ITGA7: variants seen among roughly 807,000 people sequenced by gnomAD.
The protein encoded by ITGA7 is integrin subunit alpha 7, also known as integrin alpha-7.
A neutral mutation model predicts 131.6 loss-of-function variants in ITGA7; 84 were observed. That is an observed-to-expected ratio of 0.64 (90% CI 0.54 to 0.77). ITGA7 has a LOEUF of 0.77. ITGA7 is among the 30% of genes least tolerant of loss of function. The pLI is 0.00. For missense variants in ITGA7, 1,399 were observed against 1,482.9 expected, an observed-to-expected ratio of 0.94 and a Z score of 0.93; for synonymous variants, 548 against 600.7, an observed-to-expected ratio of 0.91 and a Z score of 1.28.
At chr12:55,691,555 T>A (rs1325608006) in intron 21 of ITGA7, among the ~76,000 whole-genome samples, 1 of 152,238 alleles carries the variant, frequency 6.6e-6, no homozygotes, top group African/African-American at 2.4e-5. Flanking sequence ...CCACAGTATA[T>A]ACATATTTCA....
chr12:55,703,042 G>A lies in ITGA7; in HGVS notation c.334+9C>T. ...ACGCTTCCCCCACTCTGTTCATGCA[G>A]GGCCACACCTCCCTGGTCGATGTCC... On this transcript the variant is annotated intron_variant, in intron 2 of 24. Coordinates refer to ENST00000257879, the MANE Select transcript of ITGA7 (RefSeq NM_002206.3). 1 of 1,614,072 alleles carries A rather than the reference G, an allele frequency of 6.2e-7. No individual in the cohort carries two copies. Among genetic ancestry groups the A allele is most frequent in the African/African-American group, 1.3e-5 (1 of 75,062 alleles).
chr12:55,712,383 T>C, upstream of ITGA7: 1 of 738,866 alleles, frequency 1.4e-6, no homozygotes, highest in Non-Finnish European at 2.4e-6. Flanking sequence ...TCTCCCAGTA[T>C]GTGAAGCCTT....
chr12:55,687,951 G>T lies in ITGA7; in HGVS notation c.3183+20C>A, dbSNP rs1870589189. On this transcript the variant is annotated intron_variant, in intron 24 of 24. Coordinates refer to ENST00000257879, the MANE Select transcript of ITGA7 (RefSeq NM_002206.3). The stretch of plus-strand genomic sequence containing the variant: ...CCAACCAGGAAGTCCACCCCCATCA[G>T]CCCCACCTCCAAGCCTCACCTTCCA... 8 of 1,613,934 alleles carry T rather than the reference G, an allele frequency of 5.0e-6. No homozygotes were observed. The highest frequency in any genetic ancestry group is 4.0e-5 in the African/African-American group (3 of 75,032).
rs143895796 is a variant in ITGA7, at chr12:55,697,925, C to T, written c.1281+13G>A. On this transcript the variant is annotated intron_variant, in intron 8 of 24. Transcript: ENST00000257879. The stretch of plus-strand genomic sequence containing the variant: ...ACCCACACCCATTCCCTCATCCCAG[C>T]GACTCCCCTCACCTGTGAAGGTTTG... The T allele has an allele frequency of 1.3e-3, 2,129 of 1,614,088 alleles. 18 individuals are homozygous for T. In the African/African-American group the frequency reaches 0.021, roughly 16 times the overall value.
rs1260123658 is a variant in ITGA7 at position 55,699,958 on chromosome 12, T to C, written c.702A>G (p.Ser234=). ...GLLFVTNIDS[S]DPDQLVYKTL... Reference sequence around the variant, plus strand: ...TTTTATACACCAGCTGGTCGGGGTCTGAGCTATCAATGTTGGTCACAAAAA... The same window carrying C: ...TTTTATACACCAGCTGGTCGGGGTCCGAGCTATCAATGTTGGTCACAAAAA... The change falls in exon 5 of 25, where the codon TCA becomes TCG. Residue 234 remains serine (S), a synonymous_variant. Transcript: ENST00000257879. 2 of 1,613,986 alleles carry C rather than the reference T, an allele frequency of 1.2e-6. No homozygotes were observed. Among genetic ancestry groups the C allele is most frequent in the Non-Finnish European group, 1.7e-6 (2 of 1,180,020 alleles).
chr12:55,698,638 T>C, intron 6 of ITGA7, 62 bp from the exon 7 acceptor site: 1 of 1,612,026 alleles, frequency 6.2e-7, no homozygotes, highest in Non-Finnish European at 8.5e-7. Context: ...AGCAGGAGGC[T>C]AAGTGGCCTC....
intron 1 of ITGA7, among the ~76,000 whole-genome samples, chr12:55,703,803 C>G (rs1028608591): frequency 1.3e-5 from 2 of 152,154 alleles, no homozygotes; most frequent in Admixed American, 1.3e-4. Flanking sequence ...GAGGTAGGGA[C>G]AAGTTTCTCC....
chr12:55,690,176 G>A (rs1871124447), intron 21 of ITGA7, among the ~76,000 whole-genome samples: 1 of 152,156 alleles, frequency 6.6e-6, no homozygotes, highest in Admixed American at 6.5e-5. Context: ...TCATCGGAGT[G>A]AACAGGCAAC....
chr12:55,697,404 G>A (rs908789927), intron 10 of ITGA7, 47 bp downstream of exon 10: 5 of 1,593,726 alleles, frequency 3.1e-6, no homozygotes, highest in East Asian at 2.2e-5. Flanking sequence ...TCAAAGGGAG[G>A]GCAGGGGAAG....
At chr12:55,708,010 C>T, upstream of ITGA7, 3 of 1,210,796 alleles carry the variant, frequency 2.5e-6, no homozygotes, top group Non-Finnish European at 3.1e-6. Context: ...CAAGGGGATG[C>T]CCAGGCTGGT....
At chr12:55,690,793 T>TA (rs1308706872) in intron 21 of ITGA7, among the ~76,000 whole-genome samples, 2 of 151,612 alleles carry the variant, frequency 1.3e-5, no homozygotes, top group Non-Finnish European at 2.9e-5. Flanking sequence ...TATGCAGCCA[T>TA]AAAAAATGAT....
At position 55,694,159 on chromosome 12, in the gene ITGA7, C is replaced by T. The variant is rs970752823; in HGVS notation, c.2433-36G>A. 2 of 1,611,884 alleles carry T rather than the reference C, an allele frequency of 1.2e-6. No homozygotes were observed. The highest frequency in any genetic ancestry group is 1.7e-6 in the Non-Finnish European group (2 of 1,177,902). ...GAGGTCAGAACAGGGGTGAGAAGGT[C>T]TGGGGCCTGGCTCAATGAAGGCAGG... On this transcript the variant is annotated intron_variant, in intron 18 of 24. Transcript: ENST00000257879. The surrounding 1 kb of genome is among the most constrained non-coding windows in gnomAD (Gnocchi z 5.3).
upstream of ITGA7, among the ~76,000 whole-genome samples, chr12:55,710,587 G>A (rs1876005011): frequency 6.6e-6 from 1 of 151,960 alleles, no homozygotes; most frequent in African/African-American, 2.4e-5. Flanking sequence ...GACCAGCCTG[G>A]GCAACATAGG....
Position 55,707,713 on chromosome 12 carries a change from T to C in ITGA7, c.-31A>G, listed in dbSNP as rs1875540967. ...GATCCCTGCGCGAGCTCCCAGCGAA[T>C]GCAAGGGAAATCTCGCACGCCCCAA... On this transcript the variant is annotated 5_prime_UTR_variant, in exon 1 of 25. Coordinates refer to ENST00000257879, the MANE Select transcript of ITGA7 (RefSeq NM_002206.3). 2 of 1,553,686 alleles carry C rather than the reference T, an allele frequency of 1.3e-6. No individual in the cohort carries two copies. Among genetic ancestry groups the C allele is most frequent in the Non-Finnish European group, 1.7e-6 (2 of 1,148,364 alleles).
At chr12:55,716,025 C>T (rs1192928626), upstream of ITGA7, 1 of 1,533,842 alleles carries the variant, frequency 6.5e-7, no homozygotes, top group East Asian at 2.5e-5. Context: ...CGGTTCCCAA[C>T]CTCACGTGAC....
At position 55,688,222 on chromosome 12, in the gene ITGA7, G is replaced by A; in HGVS notation, c.3037C>T (p.Leu1013Phe). The change falls in exon 23 of 25, where the codon CTC becomes TTC. Residue 1013 changes from leucine to phenylalanine, a missense_variant. Transcript: ENST00000257879. ...CTCACCACTGTGGAGGCATCTCGGA[G>A]CATCAAGTTCTTTATGGAGGACTTC... ...TVKSSIKNLM[L>F]RDASTVIPVM... 6.2e-7 allele frequency: 1 copy of A among 1,614,128 alleles called. No homozygotes were observed. The highest frequency in any genetic ancestry group is 8.5e-7 in the Non-Finnish European group (1 of 1,179,978).
intron 21 of ITGA7, among the ~76,000 whole-genome samples, chr12:55,690,232 G>A (rs1444427055): frequency 6.6e-6 from 1 of 151,968 alleles, no homozygotes; most frequent in Non-Finnish European, 1.5e-5. Flanking sequence ...TCTGACAAAG[G>A]GCTAATATCC....
At position 55,703,309 on chromosome 12, in the gene ITGA7, ATG is replaced by A. The variant is rs1186810196; in HGVS notation, c.207-133_207-132del. ...TTCAAGGACTAAAGAGAAGGGGCAA[ATG>A]TCAGTTTTCTCAAACCCTGGCAAGG... On this transcript the variant is annotated intron_variant, in intron 1 of 24. Coordinates refer to ENST00000257879, the MANE Select transcript of ITGA7 (RefSeq NM_002206.3). 4 of 1,033,310 alleles carry A rather than the reference ATG, an allele frequency of 3.9e-6. No individual in the cohort carries two copies. In the African/African-American group the frequency reaches 6.5e-5, roughly 17 times the overall value. 64.0% of individuals were successfully genotyped at this position (1,033,310 alleles called of 1,614,324 possible). A position where few individuals can be genotyped will look rare whatever the true frequency, so the allele number is the denominator to read the frequency against.
In ITGA7 at chr12:55,703,133, C is replaced by T. The variant is rs1469896295; in HGVS notation, c.252G>A (p.Gln84=). The change falls in exon 2 of 25, where the codon CAG becomes CAA. Residue 84 remains glutamine (Q), a synonymous_variant. Coordinates refer to ENST00000257879, the MANE Select transcript of ITGA7 (RefSeq NM_002206.3). ...CGAAGAGGCCTCCAGTGCGATTCGCCTGCTGCCCAGGAAGAGCCAGGGCCT... is the reference window on the plus strand; with the variant it reads ...CGAAGAGGCCTCCAGTGCGATTCGCTTGCTGCCCAGGAAGAGCCAGGGCCT... ...APQALALPGQ[Q]ANRTGGLFAC... is the part of the protein sequence containing the mutation. The T allele has an allele frequency of 6.2e-7, 1 of 1,613,374 alleles. No homozygotes were observed. The highest frequency in any genetic ancestry group is 8.5e-7 in the Non-Finnish European group (1 of 1,180,016).
Sources: allele counts gnomAD v4.1 joint callset (sites outside exome capture counted in the v4.1 genomes callset), GRCh38; gene constraint gnomAD v4.1.1; non-coding constraint Gnocchi (gnomAD v3.1); transcripts MANE v1.5; gene names NCBI Gene and HGNC (gene_info 2026-07-23, HGNC 2026-07-21).